PKD1L1: variants seen among roughly 807,000 people sequenced by gnomAD.
PKD1L1 encodes polycystin-1-like protein 1.
Under a neutral mutation model 323.4 loss-of-function variants are expected in PKD1L1, and 236 were observed. That is an observed-to-expected ratio of 0.73 (90% confidence interval 0.66 to 0.81). PKD1L1 has a LOEUF of 0.81. Ranked by LOEUF, PKD1L1 falls within the 40% of genes least tolerant of loss-of-function variation. The probability of loss-of-function intolerance (pLI) is 0.00; values close to 1 mark genes in which losing one functional copy is unlikely to be tolerated. For synonymous variants in PKD1L1, 1,344 were observed against 1,335.0 expected (o/e 1.01, Z -0.15); for missense variants, 3,320 against 3,508.0 (o/e 0.95, Z 1.35).
At chr7:47,849,787 C>T (rs1428759183) in intron 31 of PKD1L1, among the ~76,000 whole-genome samples, 4 of 152,090 alleles carry the variant, frequency 2.6e-5, no homozygotes, top group South Asian at 2.1e-4. Context: ...CATCAACCTA[C>T]GAGTGGATAA....
In PKD1L1 at chr7:47,862,414, G is replaced by A. The variant is rs572231336; in HGVS notation, c.4149+2802C>T. 5.9e-5 allele frequency among the ~76,000 whole-genome samples: 9 copies of A among 152,222 alleles called. No homozygotes were observed. The East Asian group carries it at 1.7e-3, about 30-fold the overall frequency. ...GCAGGAGGGATGGTAGGAGGACAGG[G>A]CCATCCAGCCCCCGTTCCTGTATCC... is the stretch of plus-strand genomic sequence containing the variant. On this transcript the variant is annotated intron_variant, in intron 26 of 56. Coordinates refer to ENST00000289672, the MANE Select transcript of PKD1L1 (RefSeq NM_138295.5).
At chr7:47,932,235 T>C (rs1787785767) in intron 4 of PKD1L1, among the ~76,000 whole-genome samples, 179 bp from the exon 5 acceptor site, 3 of 152,296 alleles carry the variant, frequency 2.0e-5, no homozygotes, top group African/African-American at 4.8e-5. Flanking sequence ...ATGATGTGGT[T>C]AGAAGCCAAA....
intron 2 of PKD1L1, among the ~76,000 whole-genome samples, chr7:47,941,590 C>T (rs898788197): frequency 1.3e-5 from 2 of 152,208 alleles, no homozygotes; most frequent in African/African-American, 4.8e-5. Context: ...TGTTCCTGGC[C>T]TAATATGTGA....
chr7:47,777,942 A>G (rs966049707), intron 56 of PKD1L1, among the ~76,000 whole-genome samples: 4 of 152,228 alleles, frequency 2.6e-5, no homozygotes, highest in African/African-American at 9.6e-5. Context: ...GAGGAGCTGC[A>G]GGGGAGGTGG....
rs1411846533 is a variant in PKD1L1, at chr7:47,813,959, A to G, written c.7145T>C (p.Leu2382Pro). ...YLIGSSVIRQ[L>P]KVFPRHLCKP... ...GCATAAATGCCTAGGAAAAACTTTT[A>G]GCTGCCTAATTACGGAACTGCCTAT... Residue 2382 changes from leucine (L) to proline (P), a missense_variant, in exon 48 of 57, where the codon CTA becomes CCA. Coordinates refer to ENST00000289672, the MANE Select transcript of PKD1L1 (RefSeq NM_138295.5). The G allele has an allele frequency of 6.2e-7, 1 of 1,614,158 alleles. No individual in the cohort carries two copies. The highest frequency in any genetic ancestry group is 1.1e-5 in the South Asian group (1 of 91,082).
At chr7:47,874,663 A>T (rs1264175109) in intron 23 of PKD1L1, among the ~76,000 whole-genome samples, 1 of 152,110 alleles carries the variant, frequency 6.6e-6, no homozygotes, top group Non-Finnish European at 1.5e-5. Context: ...GGAGGCAGCA[A>T]TTTTAACAAA....
At chr7:47,806,995 G>A (rs192041153) in intron 52 of PKD1L1, among the ~76,000 whole-genome samples, 1 of 151,942 alleles carries the variant, frequency 6.6e-6, no homozygotes, top group Admixed American at 6.6e-5. Flanking sequence ...ACACACAGAC[G>A]GGACTCTGTC....
At chr7:47,856,988 G>C (rs1052273608) in intron 28 of PKD1L1, among the ~76,000 whole-genome samples, 6 of 152,142 alleles carry the variant, frequency 3.9e-5, no homozygotes, top group Admixed American at 3.9e-4. Context: ...CAAAGCTTCC[G>C]AGTGAATGTC....
At chr7:47,905,597 A>C (rs1400103194) in intron 10 of PKD1L1, among the ~76,000 whole-genome samples, 1 of 152,248 alleles carries the variant, frequency 6.6e-6, no homozygotes, top group African/African-American at 2.4e-5. Context: ...AGGGTGTGGC[A>C]CATGGAGCTG....
At chr7:47,879,994 C>T (rs1039284637) in intron 21 of PKD1L1, among the ~76,000 whole-genome samples, 1 of 150,830 alleles carries the variant, frequency 6.6e-6, no homozygotes, top group African/African-American at 2.4e-5. Context: ...GGAATGAAAA[C>T]CTCTAGAAAT....
chr7:47,954,276 T>C, the PKD1L1 span, among the ~76,000 whole-genome samples: 4 of 152,152 alleles, frequency 2.6e-5, no homozygotes, highest in Non-Finnish European at 4.4e-5. Flanking sequence ...AAGCCAATTT[T>C]TGCTTGTTTT....
chr7:47,779,821 A>G (rs886150329), intron 56 of PKD1L1, among the ~76,000 whole-genome samples: 1 of 152,194 alleles, frequency 6.6e-6, no homozygotes, highest in African/African-American at 2.4e-5. Context: ...TGGAGCTTTC[A>G]TCTATAAAAG....
intron 43 of PKD1L1, 140 bp downstream of exon 43, chr7:47,829,900 G>T: frequency 2.3e-6 from 2 of 853,812 alleles, no homozygotes; most frequent in Non-Finnish European, 3.8e-6. Flanking sequence ...ACAGAGCCTG[G>T]CTCCTGGTTC....
At position 47,809,460 on chromosome 7, in the gene PKD1L1, C is replaced by A. The variant is rs1266204009; in HGVS notation, c.7686+13G>T. The A allele has an allele frequency of 2.6e-6, 4 of 1,536,470 alleles. No individual in the cohort carries two copies. The highest frequency in any genetic ancestry group is 3.5e-6 in the Non-Finnish European group (4 of 1,128,984). On this transcript the variant is annotated intron_variant, in intron 51 of 56. Coordinates refer to ENST00000289672, the MANE Select transcript of PKD1L1 (RefSeq NM_138295.5). ...TGTTATTTTTCAAAAGAAAATGACA[C>A]AAGAGAGGCTACCTCCAGCCAGTTC...
In PKD1L1 at chr7:47,860,859, T is replaced by C. The variant is rs370407158; in HGVS notation, c.4150-1974A>G. On this transcript the variant is annotated intron_variant, in intron 26 of 56. Transcript: ENST00000289672. ...TTTGATCTCTACCAGATTCATGCTCTGGAGCCTCATGTAGGGTCATCGATG... is the reference window on the plus strand; with the variant it reads ...TTTGATCTCTACCAGATTCATGCTCCGGAGCCTCATGTAGGGTCATCGATG... 5.9e-5 allele frequency among the ~76,000 whole-genome samples: 9 copies of C among 152,336 alleles called. No individual in the cohort carries two copies. In the East Asian group the frequency reaches 1.3e-3, roughly 23 times the overall value.
rs202069055 is a variant in PKD1L1 at position 47,865,297 on chromosome 7, A to T, written c.4093-25T>A. On this transcript the variant is annotated intron_variant, in intron 25 of 56. Transcript: ENST00000289672. ...CCTGACCAGAAGAAACAACAATAAAACAAAAAGAAAATGCAAGGAGAGGGA... is the reference window on the plus strand; with the variant it reads ...CCTGACCAGAAGAAACAACAATAAATCAAAAAGAAAATGCAAGGAGAGGGA... 3 of 1,600,540 alleles carry T rather than the reference A, an allele frequency of 1.9e-6. No individual in the cohort carries two copies. The East Asian group carries it at 6.7e-5, about 36-fold the overall frequency.
rs143510449 is a variant in PKD1L1, at chr7:47,904,612, C to A, written c.1697G>T (p.Arg566Leu). ...CCTGTTGGAAGCCTTAACCATCACA[C>A]GATACCTGCAGGATGGGGAAAGGAG... ...KKRLSIPQWY[R>L]VMVKASNRMS... Residue 566 changes from arginine (R) to leucine (L), a missense_variant, in exon 12 of 57, where the codon CGT becomes CTT. By Grantham distance (102) the Arg-to-Leu change is moderately radical (BLOSUM62 -2). Transcript: ENST00000289672. The A allele has an allele frequency of 1.4e-5, 23 of 1,610,912 alleles. No homozygotes were observed. The African/African-American group carries it at 3.1e-4, about 22-fold the overall frequency.
chr7:47,861,125 C>T (rs1393972920), intron 26 of PKD1L1, among the ~76,000 whole-genome samples: 2 of 152,170 alleles, frequency 1.3e-5, no homozygotes, highest in East Asian at 1.9e-4. Context: ...ACACCTGCTA[C>T]GGAATGTGTG....
intron 46 of PKD1L1, 85 bp downstream of exon 46, chr7:47,820,991 G>A: frequency 1.3e-6 from 1 of 753,234 alleles, no homozygotes; most frequent in Non-Finnish European, 2.3e-6. Context: ...TTTCATATGT[G>A]GGATGTGAAA....
Sources: allele counts gnomAD v4.1 joint callset (sites outside exome capture counted in the v4.1 genomes callset), GRCh38; gene constraint gnomAD v4.1.1; transcripts MANE v1.5; gene names NCBI Gene and HGNC (gene_info 2026-07-23, HGNC 2026-07-21).